UMAD1: variants seen among roughly 807,000 people sequenced by gnomAD.
UMAD1 encodes the protein UBAP1-MVB12-associated (UMA)-domain containing protein 1.
In UMAD1, 8 loss-of-function variants were observed where a neutral mutation model predicts 6.1. The ratio of observed to expected loss-of-function variants is 1.30; its 90% CI spans 0.76 to 2.35. The LOEUF (loss-of-function observed/expected upper bound fraction) is 2.35, where lower values mean the gene tolerates loss of function less well. Ranked by LOEUF, UMAD1 falls within the 30% of genes most tolerant of loss-of-function variation. The probability of loss-of-function intolerance (pLI) is 0.00; values close to 1 mark genes in which losing one functional copy is unlikely to be tolerated. For missense variants in UMAD1, 130 were observed against 78.4 expected, an observed-to-expected ratio of 1.66 and a Z score of -2.49; for synonymous variants, 56 against 31.4, an observed-to-expected ratio of 1.78 and a Z score of -2.61.
rs1554327296 is a variant in UMAD1, at chr7:7,778,290, G to GAC, written c.83-23379_83-23378insCA. Among the ~76,000 whole-genome samples, 379 of 151,078 alleles carry GAC rather than the reference G, an allele frequency of 2.5e-3. 3 individuals carry two copies. The highest frequency in any genetic ancestry group is 8.9e-3 in the African/African-American group (364 of 40,918). ...TGTGTGTGTGTGAGAGAGAGAGAGAGAGAGAGACAGAGAGAGAGCGTAAAT... is the reference window on the plus strand; with the variant it reads ...TGTGTGTGTGTGAGAGAGAGAGAGAGACAGAGAGACAGAGAGAGAGCGTAAAT... On this transcript the variant is annotated intron_variant, in intron 2 of 3. Transcript: ENST00000682710.
intron 1 of UMAD1, among the ~76,000 whole-genome samples, chr7:7,653,287 G>A (rs1246834103): frequency 6.6e-6 from 1 of 152,192 alleles, no homozygotes; most frequent in Non-Finnish European, 1.5e-5. Context: ...ATATAAATGT[G>A]TCACTGTATC....
At chr7:7,683,332 A>AT (rs747917117) in intron 2 of UMAD1, among the ~76,000 whole-genome samples, 7 of 152,202 alleles carry the variant, frequency 4.6e-5, no homozygotes, top group East Asian at 3.9e-4. Flanking sequence ...CCAGGAATTG[A>AT]TTTTTTCCCC....
chr7:7,714,201 A>G (rs1385159291), intron 2 of UMAD1, among the ~76,000 whole-genome samples: 10 of 152,262 alleles, frequency 6.6e-5, no homozygotes, highest in African/African-American at 9.6e-5. Context: ...AAAGAAAAGC[A>G]TATCAGTCTT....
At chr7:7,677,799 A>G (rs888836432) in intron 2 of UMAD1, among the ~76,000 whole-genome samples, 6 of 147,460 alleles carry the variant, frequency 4.1e-5, no homozygotes, top group Middle Eastern at 3.3e-3. Context: ...TCAGCCTCCC[A>G]AGTAGCTGGG....
chr7:7,829,383 T>C (rs1459171259), intron 3 of UMAD1, among the ~76,000 whole-genome samples: 1 of 152,214 alleles, frequency 6.6e-6, no homozygotes, highest in African/African-American at 2.4e-5. Flanking sequence ...ATTCAGCATG[T>C]AATTTTTAAG....
At chr7:7,814,401 A>G (rs940836165) in intron 3 of UMAD1, among the ~76,000 whole-genome samples, 2 of 152,132 alleles carry the variant, frequency 1.3e-5, no homozygotes, top group African/African-American at 4.8e-5. Flanking sequence ...GCTAGGGGGA[A>G]GCTCAGACCT....
intron 2 of UMAD1, among the ~76,000 whole-genome samples, chr7:7,787,790 T>C (rs1369715547): frequency 1.3e-5 from 2 of 152,238 alleles, no homozygotes; most frequent in East Asian, 3.8e-4. Context: ...CTGTCCTTAT[T>C]GTAGAAATCC....
intron 3 of UMAD1, among the ~76,000 whole-genome samples, chr7:7,826,301 T>C (rs1290376257): frequency 6.6e-6 from 1 of 152,158 alleles, no homozygotes; most frequent in African/African-American, 2.4e-5. Flanking sequence ...TCCTCAACTT[T>C]TTCTCTTTCT....
intron 3 of UMAD1, among the ~76,000 whole-genome samples, chr7:7,828,326 T>C (rs1384061401): frequency 6.6e-6 from 1 of 152,172 alleles, no homozygotes; most frequent in Non-Finnish European, 1.5e-5. Context: ...ATCATATAGC[T>C]CTCCCTATTT....
In UMAD1 at chr7:7,686,151, T is replaced by G. The variant is rs558840887; in HGVS notation, c.82+12698T>G. On this transcript the variant is annotated intron_variant, in intron 2 of 3. Transcript: ENST00000682710. ...TGAGAATTGCTGGAATAATTATTTT[T>G]ATAAGGTATGGTAGAGGAGCAAAAC... is the stretch of plus-strand genomic sequence containing the variant. 2.0e-5 allele frequency among the ~76,000 whole-genome samples: 3 copies of G among 152,312 alleles called. No individual in the cohort carries two copies. In the East Asian group the frequency reaches 5.8e-4, roughly 29 times the overall value.
At chr7:7,770,381 C>T (rs1408190330) in intron 2 of UMAD1, among the ~76,000 whole-genome samples, 2 of 152,118 alleles carry the variant, frequency 1.3e-5, no homozygotes, top group Non-Finnish European at 2.9e-5. Flanking sequence ...CCTTTCTTAC[C>T]ACAGTCCCTT....
chr7:7,700,382 A>C (rs905417354), intron 2 of UMAD1, among the ~76,000 whole-genome samples: 2 of 152,222 alleles, frequency 1.3e-5, no homozygotes. Flanking sequence ...TTTTGAGGGA[A>C]CACAAATATT....
intron 1 of UMAD1, among the ~76,000 whole-genome samples, chr7:7,664,348 C>G (rs1018071899): frequency 2.0e-5 from 3 of 152,150 alleles, no homozygotes; most frequent in Admixed American, 2.0e-4. Flanking sequence ...TCTTCTCAGT[C>G]TCTCTAGCAT....
intron 2 of UMAD1, among the ~76,000 whole-genome samples, chr7:7,682,355 G>A (rs1779932547): frequency 1.3e-5 from 2 of 152,116 alleles, no homozygotes; most frequent in Non-Finnish European, 2.9e-5. Flanking sequence ...AAATAAGTGA[G>A]TTATTTTTAA....
chr7:7,673,598 A>G, intron 2 of UMAD1, 145 bp downstream of exon 2: 1 of 602,450 alleles, frequency 1.7e-6, no homozygotes, highest in Non-Finnish European at 2.9e-6. Flanking sequence ...AAAATCTGTA[A>G]AGATGAAAGT....
chr7:7,835,974 A>T (rs1488842240), intron 3 of UMAD1, among the ~76,000 whole-genome samples: 1 of 152,030 alleles, frequency 6.6e-6, no homozygotes, highest in Non-Finnish European at 1.5e-5. Context: ...CTTTTTATCA[A>T]ATCAAACAAT....
At position 7,646,072 on chromosome 7, in the gene UMAD1, G is replaced by A. The variant is rs560030918; in HGVS notation, c.-64+5251G>A. On this transcript the variant is annotated intron_variant, in intron 1 of 3. Coordinates refer to ENST00000682710, the MANE Select transcript of UMAD1 (RefSeq NM_001302348.2). ...TTTGGGCCTCCAGCCCCATGGCAGT[G>A]TCTAGGGGCGTTACAGTGCTCTTTT... Among the ~76,000 whole-genome samples the A allele has an allele frequency of 5.9e-5, 9 of 152,288 alleles. No homozygotes were observed. In the South Asian group the frequency reaches 1.4e-3, roughly 25 times the overall value.
chr7:7,674,153 C>T (rs1779681765), intron 2 of UMAD1, among the ~76,000 whole-genome samples: 1 of 152,160 alleles, frequency 6.6e-6, no homozygotes, highest in African/African-American at 2.4e-5. Context: ...GGTTCTCATC[C>T]TTTTCCATGC....
chr7:7,829,363 G>C (rs1783416352), intron 3 of UMAD1, among the ~76,000 whole-genome samples: 1 of 152,096 alleles, frequency 6.6e-6, no homozygotes, highest in African/African-American at 2.4e-5. Flanking sequence ...TTTAATTCTT[G>C]AATTTATTCA....
Sources: allele counts gnomAD v4.1 joint callset (sites outside exome capture counted in the v4.1 genomes callset), GRCh38; gene constraint gnomAD v4.1.1; transcripts MANE v1.5; gene names NCBI Gene and HGNC (gene_info 2026-07-23, HGNC 2026-07-21).